NRCAM: variants seen among roughly 807,000 people sequenced by gnomAD.
The protein encoded by NRCAM is neuronal cell adhesion molecule, also known as NgCAM-related cell adhesion molecule.
NRCAM carries 83 observed loss-of-function variants against 156.5 expected under a neutral mutation model. That is an observed-to-expected ratio of 0.53 (90% CI 0.44 to 0.64). NRCAM has a LOEUF of 0.64. Ranked by LOEUF, NRCAM falls within the 30% of genes least tolerant of loss-of-function variation. The pLI is 0.00. For synonymous variants in NRCAM, 538 were observed against 563.9 expected, an observed-to-expected ratio of 0.95 and a Z score of 0.65; for missense variants, 1,417 against 1,597.3, an observed-to-expected ratio of 0.89 and a Z score of 1.92.
Position 108,170,048 on chromosome 7 carries a change from T to C in NRCAM, c.3188-1646A>G, listed in dbSNP as rs76021457. Among the ~76,000 whole-genome samples the C allele has an allele frequency of 9.6e-4, 146 of 152,320 alleles. 1 individual carries two copies. Among genetic ancestry groups the C allele is most frequent in the African/African-American group, 3.4e-3 (141 of 41,580 alleles). ...TATTATTATTTTGTTTCTAGTTTTA[T>C]TGAAATGAAATCATTATCTCTACGA... is the stretch of plus-strand genomic sequence containing the variant. On this transcript the variant is annotated intron_variant, in intron 28 of 32. Coordinates refer to ENST00000379028, the MANE Select transcript of NRCAM (RefSeq NM_001037132.4).
In NRCAM at chr7:108,321,975, G is replaced by A. The variant is rs147424218; in HGVS notation, c.-173-9244C>T. On this transcript the variant is annotated intron_variant, in intron 2 of 32. Transcript: ENST00000379028. ...TAAAGCAGATTCAGGAACAGTGAAGGAGAATGAATGCATTTCCTTAAAAGG... is the reference window on the plus strand; with the variant it reads ...TAAAGCAGATTCAGGAACAGTGAAGAAGAATGAATGCATTTCCTTAAAAGG... 9.4e-3 allele frequency among the ~76,000 whole-genome samples: 1,434 copies of A among 152,280 alleles called. 68 individuals are homozygous for A. Among genetic ancestry groups the A allele is most frequent in the Admixed American group, 0.073 (1,113 of 15,290 alleles).
intron 32 of NRCAM, chr7:108,156,466 C>T (rs566490256): frequency 1.0e-6 from 1 of 976,794 alleles, no homozygotes; most frequent in Non-Finnish European, 1.2e-6. Context: ...ATTAAAGAAA[C>T]AAACAAAGAA....
intron 3 of NRCAM, among the ~76,000 whole-genome samples, chr7:108,293,984 C>T (rs1319553324): frequency 6.6e-6 from 1 of 152,086 alleles, no homozygotes; most frequent in Non-Finnish European, 1.5e-5. Context: ...AGTTTGCACC[C>T]TAAATTTCTC....
intron 32 of NRCAM, among the ~76,000 whole-genome samples, chr7:108,153,979 T>C (rs2043311684): frequency 6.6e-6 from 1 of 152,112 alleles, no homozygotes; most frequent in Non-Finnish European, 1.5e-5. Context: ...ATATAGTAAA[T>C]ATGTTAACCT....
intron 3 of NRCAM, among the ~76,000 whole-genome samples, chr7:108,275,604 G>A (rs2097564841): frequency 6.6e-6 from 1 of 152,048 alleles, no homozygotes. Context: ...ATTTTATTTT[G>A]CATCTATTTG....
In NRCAM at chr7:108,178,012, C is replaced by G. The variant is rs148760217; in HGVS notation, c.2952G>C (p.Glu984Asp). 6.0e-5 allele frequency: 96 copies of G among 1,613,208 alleles called. No homozygotes were observed. The African/African-American group carries it at 1.1e-3, about 18-fold the overall frequency. Residue 984 changes from glutamate (E) to aspartate (D), a missense_variant, in exon 26 of 33, where the codon GAG becomes GAC. Physicochemically the swap from Glu to Asp is conservative, Grantham distance 45. Transcript: ENST00000379028. ...TACTTGGCTGATACTTTAAGGTGTA[C>G]TCTGTCAAAATGCCATTCGGGTGGC... ...PPSHPNGILT[E>D]YTLKYQPINS...
chr7:108,155,558 C>G (rs2044830355), intron 32 of NRCAM, among the ~76,000 whole-genome samples: 1 of 152,078 alleles, frequency 6.6e-6, no homozygotes, highest in African/African-American at 2.4e-5. Context: ...CTGGCTTTAC[C>G]TTCCTGCTTC....
intron 8 of NRCAM, among the ~76,000 whole-genome samples, chr7:108,230,090 A>C (rs1000980440): frequency 1.3e-5 from 2 of 152,172 alleles, no homozygotes; most frequent in Non-Finnish European, 2.9e-5. Context: ...GATTAAAAAA[A>C]CTAACAGAAA....
intron 32 of NRCAM, among the ~76,000 whole-genome samples, chr7:108,157,623 T>C (rs1335672585): frequency 1.3e-5 from 2 of 152,124 alleles, no homozygotes; most frequent in East Asian, 1.9e-4. Context: ...ATACATTGTA[T>C]AGTGGTGGGG....
chr7:108,371,057 T>C (rs1286269077), intron 2 of NRCAM, among the ~76,000 whole-genome samples: 1 of 152,182 alleles, frequency 6.6e-6, no homozygotes, highest in Non-Finnish European at 1.5e-5. Flanking sequence ...TGCTAGCTCC[T>C]ATAAAAACAA....
chr7:108,279,840 A>G (rs976449969), intron 3 of NRCAM, among the ~76,000 whole-genome samples: 1 of 152,066 alleles, frequency 6.6e-6, no homozygotes, highest in African/African-American at 2.4e-5. Flanking sequence ...GAAAACAGGC[A>G]TGAGCCACCA....
At position 108,233,116 on chromosome 7, in the gene NRCAM, G is replaced by C. The variant is rs181514172; in HGVS notation, c.231-594C>G. Among the ~76,000 whole-genome samples, 10 of 152,254 alleles carry C rather than the reference G, an allele frequency of 6.6e-5. No individual in the cohort carries two copies. The East Asian group carries it at 1.2e-3, about 18-fold the overall frequency. On this transcript the variant is annotated intron_variant, in intron 6 of 32. Coordinates refer to ENST00000379028, the MANE Select transcript of NRCAM (RefSeq NM_001037132.4). ...TTTTTAATTCTAGAGATGATTTTGA[G>C]AATCCCTTGGGAGGTATGCCCAATT...
rs35117899 is a variant in NRCAM, at chr7:108,357,334, C to CTTT, written c.-174+42099_-174+42101dup. On this transcript the variant is annotated intron_variant, in intron 2 of 32. Transcript: ENST00000379028. ...GTACTCTTTTGTTAGGTGGGGCCAACTTTTTTTTTTTTTTTTGAGACAAAG... is the reference window on the plus strand; with the variant it reads ...GTACTCTTTTGTTAGGTGGGGCCAACTTTTTTTTTTTTTTTTTTTGAGACAAAG... Among the ~76,000 whole-genome samples, 922 of 141,608 alleles carry CTTT rather than the reference C, an allele frequency of 6.5e-3. 8 individuals carry two copies. The highest frequency in any genetic ancestry group is 0.021 in the African/African-American group (795 of 38,566). 92.9% of individuals were successfully genotyped at this position (141,608 alleles called of 152,430 possible). A position where few individuals can be genotyped will look rare whatever the true frequency, so the allele number is the denominator to read the frequency against.
chr7:108,241,299 G>T (rs1309803363), intron 3 of NRCAM, among the ~76,000 whole-genome samples: 1 of 152,138 alleles, frequency 6.6e-6, no homozygotes, highest in Non-Finnish European at 1.5e-5. Context: ...TTGCATATTG[G>T]AAGTGTCCAT....
At chr7:108,261,401 A>G (rs2096883443) in intron 3 of NRCAM, among the ~76,000 whole-genome samples, 1 of 152,196 alleles carries the variant, frequency 6.6e-6, no homozygotes, top group Non-Finnish European at 1.5e-5. Flanking sequence ...TTTGCTCCAC[A>G]CATTGTCTAC....
intron 30 of NRCAM, among the ~76,000 whole-genome samples, chr7:108,165,177 G>A (rs924889906): frequency 2.0e-5 from 3 of 152,136 alleles, no homozygotes; most frequent in Non-Finnish European, 2.9e-5. Context: ...AGTGTTGACC[G>A]AAGCTGCCCT....
intron 3 of NRCAM, among the ~76,000 whole-genome samples, chr7:108,305,520 GT>G (rs2098702895): frequency 6.6e-6 from 1 of 152,126 alleles, no homozygotes; most frequent in Admixed American, 6.6e-5. Flanking sequence ...AAATAGAAAT[GT>G]GCAGAAGCCA....
At chr7:108,337,960 A>T (rs901142921) in intron 2 of NRCAM, among the ~76,000 whole-genome samples, 4 of 152,158 alleles carry the variant, frequency 2.6e-5, no homozygotes, top group Admixed American at 2.6e-4. Context: ...CCGGTTAAAA[A>T]CGATTAGCGT....
At chr7:108,277,543 T>C (rs1165208370) in intron 3 of NRCAM, among the ~76,000 whole-genome samples, 2 of 152,082 alleles carry the variant, frequency 1.3e-5, no homozygotes, top group African/African-American at 4.8e-5. Flanking sequence ...TTGAAGCTTG[T>C]GTATGCTTCT....
Sources: allele counts gnomAD v4.1 joint callset (sites outside exome capture counted in the v4.1 genomes callset), GRCh38; gene constraint gnomAD v4.1.1; transcripts MANE v1.5; gene names NCBI Gene and HGNC (gene_info 2026-07-23, HGNC 2026-07-21).